Variants in PTPRF observed in about 807,000 individuals in gnomAD.
PTPRF encodes the protein receptor-type tyrosine-protein phosphatase F.
PTPRF carries 59 observed loss-of-function variants against 201.8 expected under a neutral mutation model. The observed-to-expected ratio is 0.29, with a 90% CI of 0.24 to 0.36. The LOEUF (loss-of-function observed/expected upper bound fraction) is 0.36, where lower values mean the gene tolerates loss of function less well. Ranked by LOEUF, PTPRF falls within the 10% of genes least tolerant of loss-of-function variation. The pLI is 1.00. For missense variants in PTPRF, 2,132 were observed against 2,690.5 expected, an observed-to-expected ratio of 0.79 and a Z score of 4.59; for synonymous variants, 1,088 against 1,089.7, an observed-to-expected ratio of 1.00 and a Z score of 0.03.
rs565567848 is a variant in PTPRF, at chr1:43,591,507, C to T, written c.1485C>T (p.Gly495=). The change falls in exon 9 of 34, where the codon GGC becomes GGT. Residue 495 remains glycine, a synonymous_variant. Coordinates refer to ENST00000359947, the MANE Select transcript of PTPRF (RefSeq NM_002840.5). ...SLRVLAFTAV[G]DGPPSPTIQV... is the part of the protein sequence containing the mutation. ...GCGTGCTTGCCTTCACCGCCGTGGG[C>T]GATGGCCCTCCCAGCCCCACCATCC... 2.9e-5 allele frequency: 46 copies of T among 1,600,024 alleles called. No individual in the cohort carries two copies. In the Middle Eastern group the frequency reaches 5.0e-4, roughly 17 times the overall value.
intron 2 of PTPRF, among the ~76,000 whole-genome samples, chr1:43,543,149 C>T (rs1490298741): frequency 1.3e-5 from 2 of 152,190 alleles, no homozygotes; most frequent in Non-Finnish European, 2.9e-5. Flanking sequence ...CCATGATGAC[C>T]TGGCCTGGCA....
intron 22 of PTPRF, chr1:43,612,677 T>G: frequency 4.4e-6 from 5 of 1,140,878 alleles, no homozygotes; most frequent in Non-Finnish European, 6.0e-6. Context: ...CTCCACTGTG[T>G]GTGATGGTGC....
chr1:43,573,194 C>T (rs1646690397), intron 6 of PTPRF, among the ~76,000 whole-genome samples: 1 of 152,106 alleles, frequency 6.6e-6, no homozygotes, highest in Non-Finnish European at 1.5e-5. Flanking sequence ...CCAGGAGGAA[C>T]AGGAACAAGC....
chr1:43,596,455 T>A (rs1170196248), intron 11 of PTPRF, among the ~76,000 whole-genome samples: 1 of 152,084 alleles, frequency 6.6e-6, no homozygotes, highest in African/African-American at 2.4e-5. Context: ...AGCAGAGTCC[T>A]CGGTGGGCGT....
chr1:43,599,023 C>T (rs1316233877), intron 13 of PTPRF, 110 bp downstream of exon 13: 4 of 1,174,808 alleles, frequency 3.4e-6, no homozygotes, highest in Non-Finnish European at 4.7e-6. Flanking sequence ...CTCAGCAGTG[C>T]TGTGACTGCC....
intron 5 of PTPRF, among the ~76,000 whole-genome samples, chr1:43,566,189 G>C (rs1183903673): frequency 6.6e-6 from 1 of 152,220 alleles, no homozygotes; most frequent in Non-Finnish European, 1.5e-5. Flanking sequence ...CACGCCTAGA[G>C]CGCTGGGGCT....
Position 43,565,670 on chromosome 1 carries a change from C to T in PTPRF, c.380-3920C>T, listed in dbSNP as rs548642695. Reference sequence around the variant, plus strand: ...GCTGAGGAGGCAGATGGCCCCTCCCCGCACTGTGCAGGGCACCCGGTTGGG... The same window carrying T: ...GCTGAGGAGGCAGATGGCCCCTCCCTGCACTGTGCAGGGCACCCGGTTGGG... On this transcript the variant is annotated intron_variant, in intron 5 of 33. Transcript: ENST00000359947. Among the ~76,000 whole-genome samples, 4 of 152,148 alleles carry T rather than the reference C, an allele frequency of 2.6e-5. No homozygotes were observed. In the South Asian group the frequency reaches 6.2e-4, roughly 24 times the overall value.
At chr1:43,524,588 T>C (rs111876117), upstream of PTPRF, among the ~76,000 whole-genome samples, 885 of 151,672 alleles carry the variant, frequency 5.8e-3, 6 homozygotes, top group African/African-American at 0.02. Context: ...CAGTTGAAGG[T>C]TGGGGGTGGT....
chr1:43,612,878 C>T, intron 22 of PTPRF: 1 of 1,150,664 alleles, frequency 8.7e-7, no homozygotes, highest in Non-Finnish European at 1.2e-6. Flanking sequence ...TTGTTTACCC[C>T]ATCGCCTCCA....
upstream of PTPRF, among the ~76,000 whole-genome samples, chr1:43,526,969 C>T (rs1208617516): frequency 6.6e-6 from 1 of 152,108 alleles, no homozygotes; most frequent in Non-Finnish European, 1.5e-5. Flanking sequence ...CATGGATGAT[C>T]GGAGGGAGCT....
In PTPRF at chr1:43,619,874, AC is replaced by A. The variant is rs1307792439; in HGVS notation, c.5111+17del. 6.2e-7 allele frequency: 1 copy of A among 1,612,372 alleles called. No homozygotes were observed. The highest frequency in any genetic ancestry group is 8.5e-7 in the Non-Finnish European group (1 of 1,178,946). ...ATGGTTATAGGTCAGCATGCATGTC[AC>A]TGCCCCACCATGCCCTACAGGGGCC... On this transcript the variant is annotated intron_variant, in intron 29 of 33. Transcript: ENST00000359947.
chr1:43,524,182 C>T (rs1456720184), upstream of PTPRF, among the ~76,000 whole-genome samples: 1 of 151,718 alleles, frequency 6.6e-6, no homozygotes, highest in Non-Finnish European at 1.5e-5. Context: ...CAAAGGCATA[C>T]AGGTTGGTAT....
In PTPRF at chr1:43,592,438, T is replaced by A; in HGVS notation, c.1669-19T>A. ...CTTTGAGCTCAGAGCTGTCAGTGAG[T>A]GCTCCCTGCTCTTCCCAGCACAAGG... On this transcript the variant is annotated intron_variant, in intron 10 of 33. Transcript: ENST00000359947. 6.3e-7 allele frequency: 1 copy of A among 1,591,740 alleles called. No homozygotes were observed. The highest frequency in any genetic ancestry group is 8.6e-7 in the Non-Finnish European group (1 of 1,168,544).
At chr1:43,577,896 G>C (rs1271174263) in intron 6 of PTPRF, among the ~76,000 whole-genome samples, 1 of 152,218 alleles carries the variant, frequency 6.6e-6, no homozygotes, top group Non-Finnish European at 1.5e-5. Flanking sequence ...AGCTTGCCCA[G>C]TGTGCTTTCA....
At chr1:43,580,008 T>C (rs1251808935) in intron 7 of PTPRF, 1 of 149,766 alleles carries the variant, frequency 6.7e-6, no homozygotes, top group Admixed American at 6.7e-5. Flanking sequence ...GAGGTTGCAG[T>C]GAGCCAAGGT....
intron 2 of PTPRF, 107 bp from the exon 3 acceptor site, chr1:43,544,924 C>A: frequency 1.5e-6 from 1 of 674,312 alleles, no homozygotes; most frequent in East Asian, 2.8e-5. Flanking sequence ...TTGAACTAGG[C>A]TCTGGATGGT....
At position 43,621,156 on chromosome 1, in the gene PTPRF, G is replaced by T; in HGVS notation, c.5579G>T (p.Arg1860Leu). The T allele has an allele frequency of 6.2e-7, 1 of 1,614,112 alleles. No homozygotes were observed. The highest frequency in any genetic ancestry group is 2.2e-5 in the East Asian group (1 of 44,884). The change falls in exon 33 of 34, where the codon CGC becomes CTC. Residue 1860 changes from arginine (R) to leucine (L), a missense_variant. Around this residue, in one of 6 missense-constraint regions of PTPRF, gnomAD observed 519 missense variants for 659.5 expected, o/e 0.79. Coordinates refer to ENST00000359947, the MANE Select transcript of PTPRF (RefSeq NM_002840.5). ...ITLSIVLERM[R>L]YEGVVDMFQT... is the part of the protein sequence containing the mutation. ...CTGAGCATCGTCCTGGAGCGCATGCGCTACGAGGGCGTGGTCGACATGTTT... is the reference window on the plus strand; with the variant it reads ...CTGAGCATCGTCCTGGAGCGCATGCTCTACGAGGGCGTGGTCGACATGTTT...
chr1:43,608,820 G>A (rs1655770877), intron 21 of PTPRF, among the ~76,000 whole-genome samples: 1 of 152,182 alleles, frequency 6.6e-6, no homozygotes, highest in African/African-American at 2.4e-5. Flanking sequence ...CTATTTGTTG[G>A]CAGCTGAATC....
At chr1:43,557,637 A>G (rs1014568413) in intron 5 of PTPRF, among the ~76,000 whole-genome samples, 3 of 151,850 alleles carry the variant, frequency 2.0e-5, no homozygotes, top group African/African-American at 4.8e-5. Context: ...TCTCAAAAAA[A>G]AAAAAAAAAA....
Sources: gnomAD v4.1 joint callset for allele counts (sites outside exome capture counted in the v4.1 genomes callset) on GRCh38, gnomAD v4.1.1 for gene constraint, gnomAD v4.1.1 regional missense constraint, MANE v1.5 for transcripts, NCBI Gene and HGNC (gene_info 2026-07-23, HGNC 2026-07-21) for gene names.